The following C11orf65 variants were observed in gnomAD, a reference collection of about 807,000 sequenced individuals.
C11orf65 encodes the protein chromosome 11 open reading frame 65, also known as protein MFI.
In C11orf65, 38 loss-of-function variants were observed where a neutral mutation model predicts 35.3. The ratio of observed to expected loss-of-function variants is 1.08; its 90% confidence interval spans 0.83 to 1.41. The LOEUF is 1.41. C11orf65 is among the 40% of genes most tolerant of loss of function. The probability of loss-of-function intolerance (pLI) is 0.00; values close to 1 mark genes in which losing one functional copy is unlikely to be tolerated. For missense variants in C11orf65, 370 were observed against 367.1 expected, an observed-to-expected ratio of 1.01 and a Z score of -0.06; for synonymous variants, 105 against 114.4, an observed-to-expected ratio of 0.92 and a Z score of 0.53.
intron 3 of C11orf65, among the ~76,000 whole-genome samples, chr11:108,428,603 T>G (rs892128698): frequency 3.3e-5 from 5 of 151,430 alleles, no homozygotes; most frequent in South Asian, 4.2e-4. Flanking sequence ...TAAGTGGGAG[T>G]TGAACAATGA....
At chr11:108,327,015 A>T (rs534011980), downstream of C11orf65, among the ~76,000 whole-genome samples, 4 of 152,116 alleles carry the variant, frequency 2.6e-5, no homozygotes, top group South Asian at 8.3e-4. Context: ...TTTAGTAGAG[A>T]TGGGGTTTCA....
chr11:108,422,662 T>A (rs1355019363), intron 3 of C11orf65, among the ~76,000 whole-genome samples: 1 of 152,070 alleles, frequency 6.6e-6, no homozygotes, highest in Non-Finnish European at 1.5e-5. Context: ...GGTGGGCGGA[T>A]CACGAGGTCA....
rs967402817 is a variant in C11orf65, at chr11:108,310,141, A to G, written c.641-1070T>C. 4.4e-6 allele frequency: 7 copies of G among 1,605,722 alleles called. No homozygotes were observed. The highest frequency in any genetic ancestry group is 6.0e-6 in the Non-Finnish European group (7 of 1,173,358). On this transcript the variant is annotated intron_variant, in intron 6 of 6. Transcript: ENST00000525729. ...GAAGTTTAAAAAAGTGAATGACATT[A>G]TATCTCATTTTTCTTTAGACCTTCT... is the stretch of plus-strand genomic sequence containing the variant.
At chr11:108,379,943 C>G (rs901106307), downstream of C11orf65, among the ~76,000 whole-genome samples, 4 of 152,138 alleles carry the variant, frequency 2.6e-5, no homozygotes, top group African/African-American at 9.7e-5. Flanking sequence ...ATTGTCAGAT[C>G]TAGCAGGCAC....
At chr11:108,436,448 CA>C (rs1313727459) in intron 2 of C11orf65, among the ~76,000 whole-genome samples, 1 of 152,062 alleles carries the variant, frequency 6.6e-6, no homozygotes, top group Non-Finnish European at 1.5e-5. Context: ...AAAAATGATC[CA>C]AAAAGGGATA....
At chr11:108,457,591 C>T (rs1389435036) in intron 2 of C11orf65, among the ~76,000 whole-genome samples, 1 of 151,882 alleles carries the variant, frequency 6.6e-6, no homozygotes, top group Admixed American at 6.6e-5. Flanking sequence ...TGCAGTGAGC[C>T]GAGATTGCAC....
intron 2 of C11orf65, among the ~76,000 whole-genome samples, chr11:108,337,689 C>T (rs948622845): frequency 3.3e-5 from 5 of 152,202 alleles, no homozygotes; most frequent in Non-Finnish European, 7.3e-5. Context: ...TATTAGCTAT[C>T]TCCTATCTGA....
intron 3 of C11orf65, among the ~76,000 whole-genome samples, chr11:108,427,087 T>G (rs1224124628): frequency 1.3e-5 from 2 of 152,082 alleles, no homozygotes; most frequent in Admixed American, 1.3e-4. Context: ...ATAAAAATCC[T>G]AGAAGAAAAC....
rs572542540 is a variant in C11orf65, at chr11:108,343,604, A to G, written c.227-8312T>C. Among the ~76,000 whole-genome samples, 10 of 152,336 alleles carry G rather than the reference A, an allele frequency of 6.6e-5. No homozygotes were observed. In the South Asian group the frequency reaches 1.7e-3, roughly 25 times the overall value. On this transcript the variant is annotated intron_variant, in intron 2 of 3. Transcript: ENST00000524755. ...AGATAAGAAATGTAAAGGTTATTCA[A>G]TGTGTGCTGATTTGTTTTCAATTTG... is the stretch of plus-strand genomic sequence containing the variant.
At position 108,403,409 on chromosome 11, in the gene C11orf65, G is replaced by GTTTTTTTTTTTTTTTTTT. The variant is rs71047691; in HGVS notation, c.560+2019_560+2020insAAAAAAAAAAAAAAAAAA. Among the ~76,000 whole-genome samples, 110 of 67,290 alleles carry GTTTTTTTTTTTTTTTTTT rather than the reference G, an allele frequency of 1.6e-3. 2 individuals carry two copies. The highest frequency in any genetic ancestry group is 2.3e-3 in the African/African-American group (38 of 16,210). 44.1% of individuals were successfully genotyped at this position (67,290 alleles called of 152,430 possible). A position where few individuals can be genotyped will look rare whatever the true frequency, so the allele number is the denominator to read the frequency against. On this transcript the variant is annotated intron_variant, in intron 6 of 8. Transcript: ENST00000393084. ...ACTTTAAAATGTGATTGTTTGAGAG[G>GTTTTTTTTTTTTTTTTTT]TTTTTTTTTTGTTTTTTTTTTTTTT...
chr11:108,409,736 C>T (rs1327178910), intron 3 of C11orf65, among the ~76,000 whole-genome samples: 1 of 152,164 alleles, frequency 6.6e-6, no homozygotes, highest in Non-Finnish European at 1.5e-5. Context: ...ACTGCCTGAG[C>T]TCCCCATCCT....
chr11:108,321,209 A>G (rs2085180789), intron 6 of C11orf65: 1 of 1,528,710 alleles, frequency 6.5e-7, no homozygotes, highest in South Asian at 1.1e-5. Flanking sequence ...AGCAAAGCCT[A>G]TGATGAGAAC....
intron 2 of C11orf65, among the ~76,000 whole-genome samples, chr11:108,443,182 T>A (rs180757716): frequency 6.6e-5 from 10 of 151,372 alleles, no homozygotes; most frequent in African/African-American, 2.4e-4. Flanking sequence ...AATCCTAGCC[T>A]CTGATAAAAC....
At position 108,365,190 on chromosome 11, in the gene C11orf65, G is replaced by T. The variant is rs863224582; in HGVS notation, c.226+28018C>A. The T allele has an allele frequency of 3.7e-6, 6 of 1,614,216 alleles. No homozygotes were observed. Among genetic ancestry groups the T allele is most frequent in the Middle Eastern group, 1.6e-4 (1 of 6,062 alleles). ...TGAGCTTCACCCTACTCTGAATGCA[G>T]ATGACCAAGAATGCAAACGAAATCT... is the stretch of plus-strand genomic sequence containing the variant. On this transcript the variant is annotated intron_variant, in intron 2 of 3. Transcript: ENST00000524755.
At chr11:108,411,646 C>T (rs2092658407) in intron 3 of C11orf65, among the ~76,000 whole-genome samples, 1 of 152,024 alleles carries the variant, frequency 6.6e-6, no homozygotes, top group South Asian at 2.1e-4. Flanking sequence ...AAGTTTTTGT[C>T]TTATAAGTAC....
chr11:108,458,859 T>C (rs1398548424), intron 2 of C11orf65, among the ~76,000 whole-genome samples: 2 of 152,122 alleles, frequency 1.3e-5, no homozygotes, highest in Non-Finnish European at 2.9e-5. Flanking sequence ...GCCTTTCTGG[T>C]AAATGGAAAG....
intron 2 of C11orf65, among the ~76,000 whole-genome samples, chr11:108,446,301 G>C (rs369616949): frequency 0.094 from 13,978 of 148,380 alleles, 663 homozygotes; most frequent in Non-Finnish European, 0.13. Context: ...GATACTCCTT[G>C]AGAAGAGCAA....
At chr11:108,426,808 A>T (rs2092908977) in intron 3 of C11orf65, among the ~76,000 whole-genome samples, 1 of 152,170 alleles carries the variant, frequency 6.6e-6, no homozygotes, top group Non-Finnish European at 1.5e-5. Context: ...AGATATATAA[A>T]CCAATGGAAC....
chr11:108,312,647 C>A, intron 6 of C11orf65: 1 of 625,416 alleles, frequency 1.6e-6, no homozygotes, highest in Non-Finnish European at 2.8e-6. Flanking sequence ...TGGTCTGAAG[C>A]TTAAGCCTTA....
Sources: allele counts gnomAD v4.1 joint callset (sites outside exome capture counted in the v4.1 genomes callset), GRCh38; gene constraint gnomAD v4.1.1; transcripts MANE v1.5; gene names NCBI Gene and HGNC (gene_info 2026-07-23, HGNC 2026-07-21).